Variants in KCNN2 observed in about 807,000 individuals in gnomAD.
KCNN2 encodes small conductance calcium-activated potassium channel protein 2.
A neutral mutation model predicts 55.5 loss-of-function variants in KCNN2; 24 were observed. The ratio of observed to expected loss-of-function variants is 0.43; its 90% confidence interval spans 0.31 to 0.61. KCNN2 has a LOEUF of 0.61. Among genes scored for constraint, KCNN2 ranks in the 20% least tolerant of loss-of-function variants. KCNN2 has a pLI of 0.08. For missense variants in KCNN2, 754 were observed against 853.6 expected (o/e 0.88, Z 1.45); for synonymous variants, 431 against 336.1 (o/e 1.28, Z -3.09).
Position 114,362,994 on chromosome 5 carries a change from C to G in KCNN2, c.855C>G (p.His285Gln). The G allele has an allele frequency of 6.3e-7, 1 of 1,593,278 alleles. No homozygotes were observed. The highest frequency in any genetic ancestry group is 8.5e-7 in the Non-Finnish European group (1 of 1,174,504). The stretch of plus-strand genomic sequence containing the variant: ...AGATCGTGGTGTCTAAGCCCGAGCA[C>G]AACAACTCCAACAACCTGGCGCTCT... The part of the protein sequence containing the change: ...APEIVVSKPE[H>Q]NNSNNLALYG... The change falls in exon 1 of 8, where the codon CAC (histidine) becomes CAG (glutamine). Residue 285 changes from histidine (H) to glutamine (Q), a missense_variant. His to Gln is a conservative substitution (Grantham distance 24). Around this residue, in one of 4 missense-constraint regions of KCNN2, gnomAD observed 381 missense variants for 259.1 expected, o/e 1.47. Transcript: ENST00000673685.
At chr5:114,140,415 A>G (rs1215441042) in intron 1 of KCNN2, among the ~76,000 whole-genome samples, 1 of 152,170 alleles carries the variant, frequency 6.6e-6, no homozygotes, top group East Asian at 1.9e-4. Flanking sequence ...TTACCTTAGA[A>G]GGATACTTTG....
At chr5:114,205,330 C>T (rs188755299) in intron 1 of KCNN2, among the ~76,000 whole-genome samples, 1 of 152,208 alleles carries the variant, frequency 6.6e-6, no homozygotes, top group Admixed American at 6.5e-5. Flanking sequence ...ACAGTGGATT[C>T]TAATGGCACT....
intron 1 of KCNN2, among the ~76,000 whole-genome samples, chr5:114,171,110 A>G (rs950891642): frequency 2.0e-5 from 3 of 151,932 alleles, no homozygotes; most frequent in Non-Finnish European, 4.4e-5. Flanking sequence ...ACTGTTTTCT[A>G]ATTTTTCATT....
chr5:114,437,029 A>ATGTGTGTGTGTTTG (rs527326316), intron 3 of KCNN2, among the ~76,000 whole-genome samples: 2 of 151,802 alleles, frequency 1.3e-5, no homozygotes, highest in Admixed American at 6.6e-5. Context: ...TATCTATAAA[A>ATGTGTGTGTGTTTG]TGTGTGTGTG....
chr5:114,303,860 T>C (rs879123984), intron 2 of KCNN2, among the ~76,000 whole-genome samples: 1 of 152,130 alleles, frequency 6.6e-6, no homozygotes, highest in East Asian at 1.9e-4. Context: ...ATAGAGTAGA[T>C]TCAGAAGGAA....
At position 114,156,676 on chromosome 5, in the gene KCNN2, T is replaced by G. The variant is rs745811867; in HGVS notation, c.-270-64804T>G. ...AAGGAATTCTTTCATGATTTGGCTCTTGGCTTGACTATTGGTGTATAGGAA... is the reference window on the plus strand; with the variant it reads ...AAGGAATTCTTTCATGATTTGGCTCGTGGCTTGACTATTGGTGTATAGGAA... On this transcript the variant is annotated intron_variant, in intron 1 of 10. Transcript: ENST00000512097. 5.0e-4 allele frequency among the ~76,000 whole-genome samples: 76 copies of G among 152,272 alleles called. 1 individual carries two copies. The highest frequency in any genetic ancestry group is 6.8e-3 in the Middle Eastern group (2 of 294).
rs75408568 is a variant in KCNN2 at position 114,191,609 on chromosome 5, T to A, written c.-270-29871T>A. ...GCTATGGATGATCTGTGTTTAGCATTGGGCCAGTACAGCAGTCATAGCACT... is the reference window on the plus strand; with the variant it reads ...GCTATGGATGATCTGTGTTTAGCATAGGGCCAGTACAGCAGTCATAGCACT... On this transcript the variant is annotated intron_variant, in intron 1 of 10. Coordinates refer to the KCNN2 transcript ENST00000512097. 3.8e-3 allele frequency among the ~76,000 whole-genome samples: 584 copies of A among 152,268 alleles called. 3 individuals are homozygous for A. The highest frequency in any genetic ancestry group is 0.013 in the African/African-American group (548 of 41,564).
chr5:114,162,858 G>T (rs900003698), intron 1 of KCNN2, among the ~76,000 whole-genome samples: 7 of 152,282 alleles, frequency 4.6e-5, no homozygotes, highest in Middle Eastern at 3.4e-3. Flanking sequence ...GAAAAGCGCA[G>T]TATTAGGGTG....
intron 3 of KCNN2, among the ~76,000 whole-genome samples, chr5:114,424,902 G>A (rs1471515949): frequency 6.6e-6 from 1 of 152,172 alleles, no homozygotes; most frequent in African/African-American, 2.4e-5. Context: ...TAGATGCCCA[G>A]ATGTTGAAAG....
In KCNN2 at chr5:114,241,046, C is replaced by G. The variant is rs538450602; in HGVS notation, c.-185+19481C>G. Among the ~76,000 whole-genome samples the G allele has an allele frequency of 1.1e-4, 17 of 151,948 alleles. No individual in the cohort carries two copies. In the East Asian group the frequency reaches 3.3e-3, roughly 29 times the overall value. On this transcript the variant is annotated intron_variant, in intron 2 of 10. Coordinates refer to the KCNN2 transcript ENST00000512097. ...AGTAAAGATTATTTGGAGTAAAAAA[C>G]ATTTGTATATGTGTCTATATGTATC...
At chr5:114,237,829 G>A (rs1439620387) in intron 2 of KCNN2, among the ~76,000 whole-genome samples, 1 of 152,188 alleles carries the variant, frequency 6.6e-6, no homozygotes, top group African/African-American at 2.4e-5. Context: ...CCTTCTACGG[G>A]TTGGGAGAGG....
rs559426707 is a variant in KCNN2, at chr5:114,366,654, A to G, written c.1218+2653A>G. The stretch of plus-strand genomic sequence containing the variant: ...ATACCTTATTCTGAAACACAATGAA[A>G]CCAACTGCTCAGGCTTATGTATATG... On this transcript the variant is annotated intron_variant, in intron 2 of 7. Coordinates refer to ENST00000673685, the MANE Select transcript of KCNN2 (RefSeq NM_021614.4). 2.6e-5 allele frequency among the ~76,000 whole-genome samples: 4 copies of G among 152,192 alleles called. No homozygotes were observed. In the East Asian group the frequency reaches 7.7e-4, roughly 29 times the overall value.
At chr5:114,069,465 A>G (rs1750521536) in intron 1 of KCNN2, among the ~76,000 whole-genome samples, 2 of 152,164 alleles carry the variant, frequency 1.3e-5, no homozygotes, top group South Asian at 4.1e-4. Context: ...TTAAGCCTTC[A>G]ACTATAGATT....
chr5:114,309,473 A>G (rs570048364), intron 2 of KCNN2, among the ~76,000 whole-genome samples: 1 of 152,310 alleles, frequency 6.6e-6, no homozygotes, highest in South Asian at 2.1e-4. Flanking sequence ...TGCTTTGTGT[A>G]TATGGTGAGT....
intron 2 of KCNN2, among the ~76,000 whole-genome samples, chr5:114,327,975 A>G (rs1756742984): frequency 6.6e-6 from 1 of 152,224 alleles, no homozygotes; most frequent in South Asian, 2.1e-4. Context: ...ACCTGTGGTT[A>G]TTACTAATTG....
At chr5:114,353,084 A>T (rs1757239286) in intron 2 of KCNN2, among the ~76,000 whole-genome samples, 2 of 151,804 alleles carry the variant, frequency 1.3e-5, no homozygotes, top group Admixed American at 6.6e-5. Flanking sequence ...ACATATATGT[A>T]TTTAAAATTG....
At chr5:114,378,176 T>TA (rs60252627) in intron 2 of KCNN2, among the ~76,000 whole-genome samples, 4 of 152,062 alleles carry the variant, frequency 2.6e-5, no homozygotes, top group South Asian at 2.1e-4. Context: ...TGTTTATATA[T>TA]AAAAAAAACT....
At chr5:114,404,315 AG>A in intron 2 of KCNN2, 122 bp from the exon 3 acceptor site, 1 of 706,586 alleles carries the variant, frequency 1.4e-6, no homozygotes. Context: ...AGCATTTAAA[AG>A]TTATAACCTT....
chr5:114,385,534 C>CAA (rs1758254801), intron 2 of KCNN2, among the ~76,000 whole-genome samples: 1 of 151,578 alleles, frequency 6.6e-6, no homozygotes, highest in African/African-American at 2.4e-5. Context: ...CACACACACA[C>CAA]ACACACACAC....
Sources: gnomAD v4.1 joint callset for allele counts (sites outside exome capture counted in the v4.1 genomes callset) on GRCh38, gnomAD v4.1.1 for gene constraint, gnomAD v4.1.1 regional missense constraint, MANE v1.5 for transcripts, NCBI Gene and HGNC (gene_info 2026-07-23, HGNC 2026-07-21) for gene names.